Variants in ASTN1 observed in about 807,000 individuals in gnomAD.
The protein encoded by ASTN1 is astrotactin-1.
In ASTN1, 41 loss-of-function variants were observed where a neutral mutation model predicts 140.7. The ratio of observed to expected loss-of-function variants is 0.29; its 90% CI spans 0.23 to 0.38. The LOEUF (loss-of-function observed/expected upper bound fraction) is 0.38, where lower values mean the gene tolerates loss of function less well. Among genes scored for constraint, ASTN1 ranks in the 10% least tolerant of loss-of-function variants. ASTN1 has a pLI of 1.00. For missense variants in ASTN1, 1,479 were observed against 1,678.8 expected (o/e 0.88, Z 2.08); for synonymous variants, 640 against 652.2 (o/e 0.98, Z 0.29).
chr1:177,109,418 A>G (rs536584922), intron 1 of ASTN1, among the ~76,000 whole-genome samples: 2 of 152,300 alleles, frequency 1.3e-5, no homozygotes, highest in South Asian at 2.1e-4. Context: ...GAGAAATCAC[A>G]CTTACACACA....
chr1:177,164,701 T>A lies in ASTN1; in HGVS notation c.-25A>T. On this transcript the variant is annotated 5_prime_UTR_variant, in exon 1 of 23. Transcript: ENST00000361833. The stretch of plus-strand genomic sequence containing the variant: ...TCTTGAGCCCCGGCCGCCTTCCTCC[T>A]AGCGCTGCGATGGTGGGGGAGGAAG... 1 of 1,522,136 alleles carries A rather than the reference T, an allele frequency of 6.6e-7. No individual in the cohort carries two copies. Among genetic ancestry groups the A allele is most frequent in the Non-Finnish European group, 8.8e-7 (1 of 1,138,298 alleles). 94.3% of individuals were successfully genotyped at this position (1,522,136 alleles called of 1,614,324 possible). A position where few individuals can be genotyped will look rare whatever the true frequency, so the allele number is the denominator to read the frequency against.
intron 1 of ASTN1, among the ~76,000 whole-genome samples, chr1:177,079,900 G>GA (rs931067813): frequency 6.6e-6 from 1 of 151,642 alleles, no homozygotes; most frequent in Non-Finnish European, 1.5e-5. Context: ...TCAAAATTCA[G>GA]AAAAAAAATT....
chr1:177,129,399 C>T (rs951533634), intron 1 of ASTN1, among the ~76,000 whole-genome samples: 29 of 152,036 alleles, frequency 1.9e-4, no homozygotes, highest in African/African-American at 7.2e-5. Context: ...GCTTGTAGGT[C>T]GCAAGGAACC....
At chr1:176,943,112 T>C (rs1671810373) in intron 14 of ASTN1, among the ~76,000 whole-genome samples, 1 of 151,806 alleles carries the variant, frequency 6.6e-6, no homozygotes, top group Non-Finnish European at 1.5e-5. Context: ...ATCAGTGGAA[T>C]TGAACTCATG....
intron 11 of ASTN1, among the ~76,000 whole-genome samples, chr1:176,952,342 T>C (rs1417775095): frequency 1.3e-5 from 2 of 150,470 alleles, no homozygotes; most frequent in African/African-American, 2.5e-5. Flanking sequence ...TGAGTGTAAA[T>C]ATTTTAGGAC....
At chr1:176,931,878 C>G (rs950572594) in intron 16 of ASTN1, among the ~76,000 whole-genome samples, 3 of 152,162 alleles carry the variant, frequency 2.0e-5, no homozygotes, top group Non-Finnish European at 4.4e-5. Context: ...AATTCTATGA[C>G]TTTGTAGAGA....
intron 8 of ASTN1, among the ~76,000 whole-genome samples, chr1:176,967,339 G>T (rs1302535559): frequency 6.6e-6 from 1 of 152,048 alleles, no homozygotes; most frequent in African/African-American, 2.4e-5. Flanking sequence ...GGTGGTTTAT[G>T]CACAGCTAAA....
intron 16 of ASTN1, among the ~76,000 whole-genome samples, chr1:176,902,978 C>T (rs1669832790): frequency 1.3e-5 from 2 of 151,712 alleles, no homozygotes; most frequent in South Asian, 4.1e-4. Context: ...ACTGTTAGTT[C>T]CCAGTGGGCA....
At chr1:177,053,539 C>A (rs1395002921) in intron 2 of ASTN1, among the ~76,000 whole-genome samples, 1 of 152,150 alleles carries the variant, frequency 6.6e-6, no homozygotes, top group Non-Finnish European at 1.5e-5. Flanking sequence ...TTGTCTTATT[C>A]ATTTCCTATC....
chr1:176,940,775 T>C (rs1044798708), intron 14 of ASTN1, among the ~76,000 whole-genome samples: 1 of 152,228 alleles, frequency 6.6e-6, no homozygotes, highest in Non-Finnish European at 1.5e-5. Context: ...TTCAGTATTT[T>C]CCAGTGTGTT....
chr1:176,919,968 C>A (rs1410163260), intron 16 of ASTN1, among the ~76,000 whole-genome samples: 1 of 152,190 alleles, frequency 6.6e-6, no homozygotes, highest in Non-Finnish European at 1.5e-5. Flanking sequence ...TTTTAACTGG[C>A]AGATTTATCG....
chr1:176,918,577 C>A (rs1237412004), intron 16 of ASTN1, among the ~76,000 whole-genome samples: 2 of 152,300 alleles, frequency 1.3e-5, no homozygotes, highest in African/African-American at 4.8e-5. Flanking sequence ...GCTCTTCCCT[C>A]CCCAAGCCCC....
chr1:177,064,753 A>T (rs1678267732), intron 1 of ASTN1, among the ~76,000 whole-genome samples: 1 of 152,236 alleles, frequency 6.6e-6, no homozygotes, highest in Non-Finnish European at 1.5e-5. Flanking sequence ...CAGTTTCAAG[A>T]TAATTACCTA....
intron 16 of ASTN1, among the ~76,000 whole-genome samples, chr1:176,933,597 A>G (rs1477891805): frequency 6.6e-6 from 1 of 152,244 alleles, no homozygotes; most frequent in Admixed American, 6.5e-5. Flanking sequence ...CTGTCAAGAC[A>G]GTAGACAAAG....
At chr1:177,048,135 G>A (rs1268937777) in intron 2 of ASTN1, among the ~76,000 whole-genome samples, 2 of 152,168 alleles carry the variant, frequency 1.3e-5, no homozygotes, top group Non-Finnish European at 2.9e-5. Context: ...TGATCAAAGA[G>A]GCAAAGGAAC....
intron 1 of ASTN1, among the ~76,000 whole-genome samples, chr1:177,105,831 A>G (rs1435055634): frequency 6.6e-6 from 1 of 152,144 alleles, no homozygotes; most frequent in Non-Finnish European, 1.5e-5. Context: ...TCACTGTAAA[A>G]AAGAACACAC....
At chr1:176,898,331 C>T (rs903294572) in intron 16 of ASTN1, among the ~76,000 whole-genome samples, 11 of 152,192 alleles carry the variant, frequency 7.2e-5, no homozygotes, top group Non-Finnish European at 1.6e-4. Flanking sequence ...CTGGTCCCCT[C>T]GCCAAACAGG....
At chr1:176,957,418 G>T (rs1283785435) in intron 11 of ASTN1, among the ~76,000 whole-genome samples, 1 of 151,918 alleles carries the variant, frequency 6.6e-6, no homozygotes, top group Non-Finnish European at 1.5e-5. Flanking sequence ...ATACAATTAA[G>T]CAATTATTTA....
At chr1:177,147,252 G>A (rs1219000298) in intron 1 of ASTN1, among the ~76,000 whole-genome samples, 5 of 152,028 alleles carry the variant, frequency 3.3e-5, no homozygotes, top group Non-Finnish European at 5.9e-5. Flanking sequence ...GGGTATCATC[G>A]GTCCCTGGGA....
Sources: allele counts gnomAD v4.1 joint callset (sites outside exome capture counted in the v4.1 genomes callset), GRCh38; gene constraint gnomAD v4.1.1; transcripts MANE v1.5; gene names NCBI Gene and HGNC (gene_info 2026-07-23, HGNC 2026-07-21).